INPP5J: variants seen among roughly 807,000 people sequenced by gnomAD.
The protein encoded by INPP5J is phosphatidylinositol 4,5-bisphosphate 5-phosphatase A.
A neutral mutation model predicts 86.6 loss-of-function variants in INPP5J; 75 were observed. That is an observed-to-expected ratio of 0.87 (90% confidence interval 0.72 to 1.05). The LOEUF is 1.05. Ranked by LOEUF, INPP5J falls within the 50% of genes least tolerant of loss-of-function variation. The pLI is 0.00. For missense variants in INPP5J, 1,229 were observed against 1,341.2 expected, an observed-to-expected ratio of 0.92 and a Z score of 1.31; for synonymous variants, 540 against 550.0, an observed-to-expected ratio of 0.98 and a Z score of 0.25.
chr22:31,123,239 CA>C, intron 1 of INPP5J, 120 bp downstream of exon 1: 3 of 617,036 alleles, frequency 4.9e-6, no homozygotes, highest in East Asian at 3.5e-5. Context: ...TTCCTCTGCT[CA>C]GCGAGCAGGG....
At position 31,125,051 on chromosome 22, in the gene INPP5J, C is replaced by T; in HGVS notation, c.312C>T (p.Ser104=). 3 of 1,550,380 alleles carry T rather than the reference C, an allele frequency of 1.9e-6. No homozygotes were observed. Among genetic ancestry groups the T allele is most frequent in the Non-Finnish European group, 2.6e-6 (3 of 1,147,248 alleles). The change falls in exon 2 of 13, where the codon TCC becomes TCT. Residue 104 remains serine, a synonymous_variant. Transcript: ENST00000331075. Reference sequence around the variant, plus strand: ...AAACAGCTACTGCCCACCGCAGCTCCAGCCTGGCCCCAACATCTGTGGGCC... The same window carrying T: ...AAACAGCTACTGCCCACCGCAGCTCTAGCCTGGCCCCAACATCTGTGGGCC... ...GQKTATAHRS[S]SLAPTSVGQL...
Position 31,125,515 on chromosome 22 carries a change from C to A in INPP5J, c.776C>A (p.Thr259Lys). Reference sequence around the variant, plus strand: ...GGGCATCTCCAGCCTCCAGCTCAGACATCTGGTCCTACAGGCTCCCCACCC... The same window carrying A: ...GGGCATCTCCAGCCTCCAGCTCAGAAATCTGGTCCTACAGGCTCCCCACCC... Reference protein sequence around the residue: ...SEGHLQPPAQTSGPTGSPPCI... With the variant: ...SEGHLQPPAQKSGPTGSPPCI... The change falls in exon 2 of 13, where the codon ACA becomes AAA. Residue 259 changes from threonine (T) to lysine (K), a missense_variant. Thr to Lys is a moderately conservative substitution (Grantham distance 78). Transcript: ENST00000331075. The A allele has an allele frequency of 1.9e-6, 3 of 1,550,632 alleles. No homozygotes were observed. The highest frequency in any genetic ancestry group is 2.6e-6 in the Non-Finnish European group (3 of 1,146,988).
At chr22:31,128,709 C>A in intron 9 of INPP5J, 55 bp downstream of exon 9, 1 of 1,437,262 alleles carries the variant, frequency 7.0e-7, no homozygotes, top group Non-Finnish European at 9.4e-7. Context: ...ACTCGGCATA[C>A]CACTGCCCCT....
intron 1 of INPP5J, among the ~76,000 whole-genome samples, 165 bp downstream of exon 1, chr22:31,123,284 G>A (rs983430588): frequency 3.9e-5 from 6 of 152,148 alleles, no homozygotes; most frequent in Non-Finnish European, 8.8e-5. Context: ...GGGCTGAGGG[G>A]CAGTGACAGG....
rs371488095 is a variant in INPP5J at position 31,127,378 on chromosome 22, G to A, written c.1633G>A (p.Val545Met). 87 of 1,612,528 alleles carry A rather than the reference G, an allele frequency of 5.4e-5. No homozygotes were observed. Among genetic ancestry groups the A allele is most frequent in the Non-Finnish European group, 6.4e-5 (76 of 1,179,290 alleles). The change falls in exon 6 of 13, where the codon GTG (valine) becomes ATG (methionine). Residue 545 changes from valine (V) to methionine (M), a missense_variant. Coordinates refer to ENST00000331075, the MANE Select transcript of INPP5J (RefSeq NM_001284285.2). ...GYWGNKGGVS[V>M]RLAAFGHMLC... ...CTAGGGTAACAAGGGTGGCGTGAGCGTGCGCCTGGCGGCCTTCGGGCACAT... is the reference window on the plus strand; with the variant it reads ...CTAGGGTAACAAGGGTGGCGTGAGCATGCGCCTGGCGGCCTTCGGGCACAT...
chr22:31,128,728 C>A (rs1921761942), intron 9 of INPP5J, 74 bp downstream of exon 9: 35 of 1,309,432 alleles, frequency 2.7e-5, no homozygotes, highest in Non-Finnish European at 3.7e-5. Context: ...CTCACCATTA[C>A]CCTTTGTATA....
chr22:31,134,431 G>T lies in INPP5J; in HGVS notation c.*12G>T. 1 of 1,447,566 alleles carries T rather than the reference G, an allele frequency of 6.9e-7. No homozygotes were observed. The allele number at this position is 1,447,566 out of a possible 1,614,324, so 89.7% of individuals were successfully genotyped here. Reference sequence around the variant, plus strand: ...GCCTGGGGCCCTGAGGGTGGGGTAGGCAGATGGGCCAAGGTGACCACCATT... The same window carrying T: ...GCCTGGGGCCCTGAGGGTGGGGTAGTCAGATGGGCCAAGGTGACCACCATT... On this transcript the variant is annotated 3_prime_UTR_variant, in exon 13 of 13. Coordinates refer to ENST00000331075, the MANE Select transcript of INPP5J (RefSeq NM_001284285.2).
chr22:31,132,077 C>T (rs1028269039), intron 9 of INPP5J, among the ~76,000 whole-genome samples: 3 of 152,200 alleles, frequency 2.0e-5, no homozygotes, highest in Non-Finnish European at 2.9e-5. Flanking sequence ...AAAGGATACT[C>T]GTGGTTATAA....
rs371361636 is a variant in INPP5J at position 31,134,431 on chromosome 22, G to A, written c.*12G>A. ...GCCTGGGGCCCTGAGGGTGGGGTAG[G>A]CAGATGGGCCAAGGTGACCACCATT... On this transcript the variant is annotated 3_prime_UTR_variant, in exon 13 of 13. Coordinates refer to ENST00000331075, the MANE Select transcript of INPP5J (RefSeq NM_001284285.2). 96 of 1,447,446 alleles carry A rather than the reference G, an allele frequency of 6.6e-5. No individual in the cohort carries two copies. The highest frequency in any genetic ancestry group is 1.7e-4 in the African/African-American group (12 of 70,074). 89.7% of individuals were successfully genotyped at this position (1,447,446 alleles called of 1,614,324 possible). A position where few individuals can be genotyped will look rare whatever the true frequency, so the allele number is the denominator to read the frequency against.
At position 31,133,645 on chromosome 22, in the gene INPP5J, T is replaced by C. The variant is rs1922298817; in HGVS notation, c.2445T>C (p.His815=). 1.9e-6 allele frequency: 3 copies of C among 1,612,798 alleles called. No individual in the cohort carries two copies. Among genetic ancestry groups the C allele is most frequent in the Non-Finnish European group, 2.5e-6 (3 of 1,179,346 alleles). Reference sequence around the variant, plus strand: ...GTGAGGAATCACTGCCCAAGGGCCATGGAGACTTCATCCTGGGCTACTATA... The same window carrying C: ...GTGAGGAATCACTGCCCAAGGGCCACGGAGACTTCATCCTGGGCTACTATA... ...TFSEESLPKG[H]GDFILGYYSH... is the part of the protein sequence containing the mutation. Residue 815 remains histidine, a synonymous_variant, in exon 12 of 13, where the codon CAT becomes CAC. Transcript: ENST00000331075.
At chr22:31,124,092 C>T (rs1921119072) in intron 1 of INPP5J, 1 of 168,560 alleles carries the variant, frequency 5.9e-6, no homozygotes, top group Non-Finnish European at 1.2e-5. Context: ...GAAGATTCCC[C>T]AGAATATAAT....
chr22:31,125,654 C>T lies in INPP5J; in HGVS notation c.915C>T (p.Pro305=). 1 of 1,550,640 alleles carries T rather than the reference C, an allele frequency of 6.4e-7. No homozygotes were observed. ...TGCCACGGCCACCCCAGACCTTGCC[C>T]TTGGATGTGGGCCAGGGTCCTTCAG... ...PVLPRPPQTL[P]LDVGQGPSEP... The change falls in exon 2 of 13, where the codon CCC becomes CCT. Residue 305 remains proline, a synonymous_variant. Coordinates refer to ENST00000331075, the MANE Select transcript of INPP5J (RefSeq NM_001284285.2).
In INPP5J at chr22:31,127,878, G is replaced by A. The variant is rs562987751; in HGVS notation, c.1788-73G>A. 1.4e-4 allele frequency: 124 copies of A among 896,738 alleles called. No homozygotes were observed. The East Asian group carries it at 2.8e-3, about 20-fold the overall frequency. 55.5% of individuals were successfully genotyped at this position (896,738 alleles called of 1,614,324 possible). A position where few individuals can be genotyped will look rare whatever the true frequency, so the allele number is the denominator to read the frequency against. ...GATGGGCTGGAAGGATCTGGGCTGAGCCCTTATCCTCCATGGACCTGTTGA... is the reference window on the plus strand; with the variant it reads ...GATGGGCTGGAAGGATCTGGGCTGAACCCTTATCCTCCATGGACCTGTTGA... On this transcript the variant is annotated intron_variant, in intron 6 of 12. Transcript: ENST00000331075.
At position 31,134,457 on chromosome 22, in the gene INPP5J, C is replaced by A. The variant is rs532949789; in HGVS notation, c.*38C>A. The A allele has an allele frequency of 2.0e-3, 2,865 of 1,429,214 alleles. 30 individuals carry two copies. The highest frequency in any genetic ancestry group is 0.016 in the Middle Eastern group (81 of 5,098). 88.5% of individuals were successfully genotyped at this position (1,429,214 alleles called of 1,614,324 possible). A position where few individuals can be genotyped will look rare whatever the true frequency, so the allele number is the denominator to read the frequency against. On this transcript the variant is annotated 3_prime_UTR_variant, in exon 13 of 13. Coordinates refer to ENST00000331075, the MANE Select transcript of INPP5J (RefSeq NM_001284285.2). ...CAGATGGGCCAAGGTGACCACCATTCTGCCTCAATCTTTTGCAAGCCCACC... is the reference window on the plus strand; with the variant it reads ...CAGATGGGCCAAGGTGACCACCATTATGCCTCAATCTTTTGCAAGCCCACC...
rs1450854197 is a variant in INPP5J at position 31,125,612 on chromosome 22, C to T, written c.873C>T (p.Ser291=). ...FRARPEALHS[S]PEDPVLPRPP... Reference sequence around the variant, plus strand: ...CCCGGCCTGAGGCCCTCCACAGCAGCCCTGAGGATCCTGTTTTGCCACGGC... The same window carrying T: ...CCCGGCCTGAGGCCCTCCACAGCAGTCCTGAGGATCCTGTTTTGCCACGGC... Residue 291 remains serine (S), a synonymous_variant, in exon 2 of 13, where the codon AGC becomes AGT. Transcript: ENST00000331075. The T allele has an allele frequency of 3.2e-6, 5 of 1,550,528 alleles. No individual in the cohort carries two copies. In the South Asian group the frequency reaches 5.9e-5, roughly 18 times the overall value.
chr22:31,124,287 AC>A (rs1921137623), intron 1 of INPP5J: 1 of 987,492 alleles, frequency 1.0e-6, no homozygotes, highest in Non-Finnish European at 1.2e-6. Context: ...GAGGGCTGTA[AC>A]CAAGGGATTT....
In INPP5J at chr22:31,128,665, G is replaced by T; in HGVS notation, c.2193+11G>T. 6.4e-7 allele frequency: 1 copy of T among 1,557,144 alleles called. No homozygotes were observed. The highest frequency in any genetic ancestry group is 8.7e-7 in the Non-Finnish European group (1 of 1,152,978). On this transcript the variant is annotated intron_variant, in intron 9 of 12. Transcript: ENST00000331075. The stretch of plus-strand genomic sequence containing the variant: ...CAGTTCCTCCTGCAGGTGAGTTCTG[G>T]CCTCATCCTCCCCGCATGAAATCCC...
intron 9 of INPP5J, among the ~76,000 whole-genome samples, chr22:31,130,920 G>C (rs1212558585): frequency 6.6e-6 from 1 of 152,114 alleles, no homozygotes; most frequent in African/African-American, 2.4e-5. Context: ...CATGGGGTAG[G>C]CACATGCCCC....
At position 31,134,332 on chromosome 22, in the gene INPP5J, A is replaced by G; in HGVS notation, c.2934A>G (p.Gly978=). ...ACCCTGGTGGTGGTGGCTCCTGGGG[A>G]CCTGATCGGGAGGCCCTGGCGCCCA... The part of the protein sequence containing the change: ...TVDPGGGGSW[G]PDREALAPNS... The change falls in exon 13 of 13, where the codon GGA becomes GGG. Residue 978 remains glycine, a synonymous_variant. Transcript: ENST00000331075. 6.5e-7 allele frequency: 1 copy of G among 1,548,042 alleles called. No individual in the cohort carries two copies. The highest frequency in any genetic ancestry group is 8.7e-7 in the Non-Finnish European group (1 of 1,147,170).
Sources: gnomAD v4.1 joint callset for allele counts (sites outside exome capture counted in the v4.1 genomes callset) on GRCh38, gnomAD v4.1.1 for gene constraint, MANE v1.5 for transcripts, NCBI Gene and HGNC (gene_info 2026-07-23, HGNC 2026-07-21) for gene names.